POLR1C: variants seen among roughly 807,000 people sequenced by gnomAD.
POLR1C encodes RNA polymerase I and III subunit C, also known as DNA-directed RNA polymerases I and III subunit RPAC1.
In POLR1C, 42 loss-of-function variants were observed where a neutral mutation model predicts 38.3. The ratio of observed to expected loss-of-function variants is 1.10; its 90% confidence interval spans 0.86 to 1.42. POLR1C has a LOEUF of 1.42. Among genes scored for constraint, POLR1C ranks in the 40% most tolerant of loss-of-function variants. The pLI is 0.00. For missense variants in POLR1C, 507 were observed against 450.5 expected (o/e 1.13, Z -1.14); for synonymous variants, 163 against 163.9 (o/e 0.99, Z 0.04).
chr6:43,531,868 CTG>C (rs1487373221), downstream of POLR1C, among the ~76,000 whole-genome samples: 1 of 152,088 alleles, frequency 6.6e-6, no homozygotes, highest in African/African-American at 2.4e-5. Context: ...CCATAAAGCT[CTG>C]GGGATGCTCC....
intron 9 of POLR1C, among the ~76,000 whole-genome samples, chr6:43,543,096 G>A (rs1794784397): frequency 1.3e-5 from 2 of 152,118 alleles, no homozygotes; most frequent in Admixed American, 1.3e-4. Flanking sequence ...TTGAGCGAAA[G>A]GAAGGCAGAC....
At chr6:43,531,345 A>G, downstream of POLR1C, 1 of 783,512 alleles carries the variant, frequency 1.3e-6, no homozygotes. Flanking sequence ...TCTATTTAAC[A>G]CTAGAATGAT....
chr6:43,517,616 G>A (rs1051320836), intron 2 of POLR1C, among the ~76,000 whole-genome samples: 1 of 152,208 alleles, frequency 6.6e-6, no homozygotes, highest in African/African-American at 2.4e-5. Flanking sequence ...GTAATATGGT[G>A]AAGGTGGTTG....
downstream of POLR1C, chr6:43,531,414 C>T (rs1793968921): frequency 6.8e-7 from 1 of 1,466,990 alleles, no homozygotes; most frequent in South Asian, 1.1e-5. Flanking sequence ...AAGTCCAACC[C>T]ATGGACATTC....
chr6:43,550,074 G>C (rs1795155694), intron 9 of POLR1C: 2 of 828,208 alleles, frequency 2.4e-6, no homozygotes, highest in Non-Finnish European at 3.9e-6. Flanking sequence ...GGGACTACGG[G>C]CATGAGCTTA....
At chr6:43,560,814 G>C in intron 10 of POLR1C, 1 of 912,086 alleles carries the variant, frequency 1.1e-6, no homozygotes, top group Non-Finnish European at 1.8e-6. Context: ...CATTCCCCAA[G>C]GCCTGAAGAG....
intron 10 of POLR1C, chr6:43,560,262 G>T (rs1372316174): frequency 6.2e-6 from 10 of 1,612,056 alleles, no homozygotes; most frequent in Non-Finnish European, 8.5e-6. Flanking sequence ...TTTCATGCCT[G>T]AAGAGGGCTC....
chr6:43,534,994 C>CA (rs958933202), intron 9 of POLR1C, among the ~76,000 whole-genome samples: 17 of 151,384 alleles, frequency 1.1e-4, no homozygotes, highest in African/African-American at 4.2e-4. Context: ...GACTCCATCT[C>CA]AAAAAAACCC....
At chr6:43,525,393 C>T (rs1793514956), downstream of POLR1C, 5 of 622,312 alleles carry the variant, frequency 8.0e-6, no homozygotes, top group Non-Finnish European at 1.4e-5. Flanking sequence ...CCATCTAAGC[C>T]TCCCGAATAG....
chr6:43,551,014 A>C, intron 10 of POLR1C: 1 of 224,354 alleles, frequency 4.5e-6, no homozygotes, highest in Non-Finnish European at 8.7e-6. Context: ...GATCCACAGT[A>C]AGTACTGAGT....
downstream of POLR1C, chr6:43,530,835 G>GA (rs754399625): frequency 2.5e-6 from 4 of 1,597,828 alleles, no homozygotes; most frequent in African/African-American, 1.4e-5. Context: ...CTGTAAAGGG[G>GA]AAAAAAAGAG....
At chr6:43,532,373 G>T (rs1446322962), downstream of POLR1C, among the ~76,000 whole-genome samples, 1 of 152,158 alleles carries the variant, frequency 6.6e-6, no homozygotes, top group African/African-American at 2.4e-5. Context: ...CTTGACCACA[G>T]CCGGGCTCAG....
intron 8 of POLR1C, chr6:43,528,236 A>T: frequency 6.4e-7 from 1 of 1,568,458 alleles, no homozygotes; most frequent in Non-Finnish European, 8.7e-7. Context: ...TAAATGCTAG[A>T]ATTGGGGAAA....
At chr6:43,525,259 G>A (rs1383719182), downstream of POLR1C, 1 of 1,517,598 alleles carries the variant, frequency 6.6e-7, no homozygotes, top group South Asian at 1.2e-5. Context: ...AAGAAGCACA[G>A]TTTTCTCTGA....
At chr6:43,543,033 A>G (rs1794781636) in intron 9 of POLR1C, among the ~76,000 whole-genome samples, 1 of 152,246 alleles carries the variant, frequency 6.6e-6, no homozygotes, top group African/African-American at 2.4e-5. Flanking sequence ...GGAGAACAAA[A>G]AAAACACAAG....
chr6:43,558,674 T>C (rs1490967871), intron 10 of POLR1C: 1 of 1,025,372 alleles, frequency 9.8e-7, no homozygotes, highest in Non-Finnish European at 1.4e-6. Flanking sequence ...TCAAGCACTT[T>C]TAATTTATTT....
intron 9 of POLR1C, among the ~76,000 whole-genome samples, chr6:43,538,139 CTTTTTTTTTTTTTTT>C (rs1160662301): frequency 5.3e-4 from 26 of 48,942 alleles, no homozygotes; most frequent in South Asian, 2.6e-3. Context: ...TAAGAGACAT[CTTTTTTTTTTTTTTT>C]TTTTTTTTTT....
chr6:43,542,234 C>G (rs1296717149), intron 9 of POLR1C, among the ~76,000 whole-genome samples: 4 of 152,056 alleles, frequency 2.6e-5, no homozygotes, highest in Non-Finnish European at 5.9e-5. Context: ...TACTGTAACA[C>G]TTGACTAGTA....
intron 9 of POLR1C, among the ~76,000 whole-genome samples, chr6:43,546,058 G>C (rs1258101847): frequency 6.6e-6 from 1 of 152,108 alleles, no homozygotes; most frequent in Non-Finnish European, 1.5e-5. Flanking sequence ...ACTCAGCTTT[G>C]AGAACCAAGG....
Sources: gnomAD v4.1 joint callset for allele counts (sites outside exome capture counted in the v4.1 genomes callset) on GRCh38, gnomAD v4.1.1 for gene constraint, MANE v1.5 for transcripts, NCBI Gene and HGNC (gene_info 2026-07-23, HGNC 2026-07-21) for gene names.